The following ALK variants were observed in gnomAD, a reference collection of about 807,000 sequenced individuals.
ALK encodes ALK tyrosine kinase receptor.
Under a neutral mutation model 163.1 loss-of-function variants are expected in ALK, and 74 were observed. That is an observed-to-expected ratio of 0.45 (90% CI 0.38 to 0.55). ALK has a LOEUF of 0.55. ALK is among the 20% of genes least tolerant of loss of function. The pLI, the probability that ALK is intolerant of heterozygous loss-of-function variation, is 0.00. For missense variants in ALK, 2,063 were observed against 2,105.3 expected (o/e 0.98, Z 0.39); for synonymous variants, 960 against 843.2 (o/e 1.14, Z -2.40).
At chr2:29,580,386 C>G (rs1674649836) in intron 3 of ALK, among the ~76,000 whole-genome samples, 1 of 152,218 alleles carries the variant, frequency 6.6e-6, no homozygotes, top group South Asian at 2.1e-4. Flanking sequence ...TCCCGCTCCC[C>G]CTTTCTCTGT....
intron 4 of ALK, among the ~76,000 whole-genome samples, chr2:29,388,186 C>A (rs1573307718): frequency 6.6e-6 from 1 of 152,180 alleles, no homozygotes. Flanking sequence ...TGATACAAGG[C>A]AAGCCGCTGA....
intron 3 of ALK, among the ~76,000 whole-genome samples, chr2:29,543,285 T>A (rs1673463308): frequency 6.6e-6 from 1 of 152,240 alleles, no homozygotes; most frequent in Non-Finnish European, 1.5e-5. Context: ...TGCTGGATTA[T>A]TCACATGTTG....
intron 1 of ALK, among the ~76,000 whole-genome samples, chr2:29,851,705 C>T (rs1665996633): frequency 6.6e-6 from 1 of 152,224 alleles, no homozygotes; most frequent in Non-Finnish European, 1.5e-5. Flanking sequence ...AGCAGCTCGC[C>T]TTATTCATCT....
chr2:29,552,378 C>T (rs543416752), intron 3 of ALK, among the ~76,000 whole-genome samples: 1 of 152,098 alleles, frequency 6.6e-6, no homozygotes, highest in Non-Finnish European at 1.5e-5. Context: ...AATGGAATTG[C>T]TGGGTCATGT....
Position 29,382,128 on chromosome 2 carries a change from T to C in ALK, c.1282+1604A>G, listed in dbSNP as rs1286161138. ...GACCATGAGAACTTCCCCAGGTATC[T>C]GGGCCAAGCCACTTTCTCTAGGGAA... On this transcript the variant is annotated intron_variant, in intron 5 of 28. Coordinates refer to ENST00000389048, the MANE Select transcript of ALK (RefSeq NM_004304.5). Among the ~76,000 whole-genome samples the C allele has an allele frequency of 3.9e-5, 6 of 152,182 alleles. No individual in the cohort carries two copies. The East Asian group carries it at 1.2e-3, about 29-fold the overall frequency.
chr2:29,463,873 A>G (rs1365936654), intron 4 of ALK, among the ~76,000 whole-genome samples: 2 of 152,332 alleles, frequency 1.3e-5, no homozygotes, highest in Non-Finnish European at 2.9e-5. Flanking sequence ...ATCCAAGGCT[A>G]TGAACAGTCT....
In ALK at chr2:29,656,723, A is replaced by G. The variant is rs139882658; in HGVS notation, c.952+38127T>C. On this transcript the variant is annotated intron_variant, in intron 3 of 28. Transcript: ENST00000389048. The stretch of plus-strand genomic sequence containing the variant: ...GCCAGGACTTAAAGCCAGGTAGTGC[A>G]CTCTTTGTGGAGAGACTCAGAATCC... 6.7e-4 allele frequency among the ~76,000 whole-genome samples: 102 copies of G among 152,206 alleles called. 1 individual carries two copies. Among genetic ancestry groups the G allele is most frequent in the African/African-American group, 2.2e-3 (90 of 41,534 alleles).
intron 4 of ALK, among the ~76,000 whole-genome samples, chr2:29,474,831 GT>G (rs933488583): frequency 1.3e-5 from 2 of 152,160 alleles, no homozygotes; most frequent in African/African-American, 4.8e-5. Context: ...GGAGCAAGGG[GT>G]GGTTCATCAG....
chr2:29,873,389 C>T (rs1666625608), intron 1 of ALK, among the ~76,000 whole-genome samples: 1 of 152,134 alleles, frequency 6.6e-6, no homozygotes, highest in African/African-American at 2.4e-5. Flanking sequence ...GCCAGGTCAG[C>T]ACATGCCACT....
At chr2:29,791,958 A>G (rs1167246761) in intron 1 of ALK, among the ~76,000 whole-genome samples, 1 of 152,210 alleles carries the variant, frequency 6.6e-6, no homozygotes, top group Non-Finnish European at 1.5e-5. Flanking sequence ...ATAGATGTTT[A>G]GGAATCAGCA....
chr2:29,913,664 G>A (rs4349303), intron 1 of ALK, among the ~76,000 whole-genome samples: 134,046 of 152,160 alleles, frequency 0.88, 59,183 homozygotes, highest in East Asian at 1. Context: ...ATGGTTCATA[G>A]AAACCACCAT....
At position 29,344,409 on chromosome 2, in the gene ALK, T is replaced by A. The variant is rs551499093; in HGVS notation, c.1283-15928A>T. On this transcript the variant is annotated intron_variant, in intron 5 of 28. Transcript: ENST00000389048. ...AAAGACTGTGCAGCGTCCTCCTTGGTCATGGATACATCTGGCCTTGGAGCC... is the reference window on the plus strand; with the variant it reads ...AAAGACTGTGCAGCGTCCTCCTTGGACATGGATACATCTGGCCTTGGAGCC... Among the ~76,000 whole-genome samples the A allele has an allele frequency of 2.5e-4, 38 of 152,318 alleles. 1 individual carries two copies. Among genetic ancestry groups the A allele is most frequent in the South Asian group, 2.5e-3 (12 of 4,820 alleles).
chr2:29,271,693 G>C (rs1558647336), intron 11 of ALK, among the ~76,000 whole-genome samples: 2 of 152,252 alleles, frequency 1.3e-5, no homozygotes, highest in African/African-American at 2.4e-5. Context: ...GCTTGCCAGT[G>C]CAACCAGCCA....
At position 29,552,116 on chromosome 2, in the gene ALK, T is replaced by C. The variant is rs142481376; in HGVS notation, c.953-20000A>G. ...TTGTAAAATTGGAGTCAAATGATGT[T>C]TGCCCTTTCAGGTCTGGTTTATTTC... On this transcript the variant is annotated intron_variant, in intron 3 of 28. Transcript: ENST00000389048. Among the ~76,000 whole-genome samples, 73 of 152,342 alleles carry C rather than the reference T, an allele frequency of 4.8e-4. 2 individuals are homozygous for C. Among genetic ancestry groups the C allele is most frequent in the South Asian group, 4.8e-3 (23 of 4,824 alleles).
chr2:29,721,648 C>T (rs1398612401), intron 1 of ALK, among the ~76,000 whole-genome samples: 1 of 152,242 alleles, frequency 6.6e-6, no homozygotes, highest in Non-Finnish European at 1.5e-5. Context: ...TAAAGGATAA[C>T]AGTTTACTCT....
intron 5 of ALK, among the ~76,000 whole-genome samples, chr2:29,337,290 C>T (rs191673153): frequency 2.6e-5 from 4 of 152,206 alleles, no homozygotes; most frequent in East Asian, 1.9e-4. Flanking sequence ...CAGCGAGGAG[C>T]GGGTCTTGCT....
intron 3 of ALK, among the ~76,000 whole-genome samples, chr2:29,601,482 A>T (rs1675378867): frequency 6.6e-6 from 1 of 152,026 alleles, no homozygotes; most frequent in South Asian, 2.1e-4. Flanking sequence ...CCGGGGCTGT[A>T]ACAAAGGGAA....
At chr2:29,623,780 T>C (rs1294285249) in intron 3 of ALK, among the ~76,000 whole-genome samples, 2 of 152,266 alleles carry the variant, frequency 1.3e-5, no homozygotes, top group Non-Finnish European at 2.9e-5. Context: ...TCTTAGTCTA[T>C]ATTTCAACAT....
intron 4 of ALK, among the ~76,000 whole-genome samples, chr2:29,472,706 A>G (rs569722385): frequency 6.6e-6 from 1 of 152,358 alleles, no homozygotes; most frequent in East Asian, 1.9e-4. Flanking sequence ...TGTATACAAC[A>G]AAAATTACAT....
Sources: allele counts gnomAD v4.1 joint callset (sites outside exome capture counted in the v4.1 genomes callset), GRCh38; gene constraint gnomAD v4.1.1; transcripts MANE v1.5; gene names NCBI Gene and HGNC (gene_info 2026-07-23, HGNC 2026-07-21).